Variants in FGF12 observed in about 807,000 individuals in gnomAD.
The protein encoded by FGF12 is fibroblast growth factor 12, also known as fibroblast growth factor 12B.
FGF12 carries 14 observed loss-of-function variants against 23.6 expected under a neutral mutation model. The observed-to-expected ratio is 0.59, with a 90% CI of 0.39 to 0.93. The LOEUF (loss-of-function observed/expected upper bound fraction) is 0.93, where lower values mean the gene tolerates loss of function less well. Among genes scored for constraint, FGF12 ranks in the 40% least tolerant of loss-of-function variants. The pLI is 0.00. For missense variants in FGF12, 175 were observed against 217.8 expected (o/e 0.80, Z 1.24); for synonymous variants, 62 against 77.3 (o/e 0.80, Z 1.04).
intron 3 of FGF12, among the ~76,000 whole-genome samples, chr3:192,355,966 CAGA>C (rs1258105372): frequency 6.6e-6 from 1 of 152,206 alleles, no homozygotes; most frequent in Admixed American, 6.5e-5. Context: ...CTATATTCAA[CAGA>C]AGGAGACCAA....
intron 2 of FGF12, among the ~76,000 whole-genome samples, chr3:192,481,626 C>A (rs1424359178): frequency 6.6e-6 from 1 of 152,184 alleles, no homozygotes; most frequent in African/African-American, 2.4e-5. Context: ...AGCCTCCTAT[C>A]CATGGCCACA....
intron 2 of FGF12, among the ~76,000 whole-genome samples, chr3:192,724,079 G>C (rs2108749085): frequency 2.3e-5 from 3 of 127,850 alleles, no homozygotes; most frequent in South Asian, 5.4e-4. Flanking sequence ...AAGGAAGGAA[G>C]AAAGGAAGGA....
rs145116031 is a variant in FGF12 at position 192,314,198 on chromosome 3, T to C, written c.228+21163A>G. The stretch of plus-strand genomic sequence containing the variant: ...TGTCCATTATTTAAGCCAACCAGTC[T>C]GTGATAATTTGTCAAAGCAGCCCAA... On this transcript the variant is annotated intron_variant, in intron 4 of 5. Coordinates refer to ENST00000445105, the MANE Select transcript of FGF12 (RefSeq NM_004113.6). Among the ~76,000 whole-genome samples the C allele has an allele frequency of 1.3e-3, 197 of 152,242 alleles. 1 individual carries two copies. Among genetic ancestry groups the C allele is most frequent in the African/African-American group, 4.5e-3 (186 of 41,554 alleles).
intron 2 of FGF12, among the ~76,000 whole-genome samples, chr3:192,685,277 T>A (rs1231730827): frequency 6.6e-6 from 1 of 152,114 alleles, no homozygotes; most frequent in African/African-American, 2.4e-5. Flanking sequence ...GGTTTTGATC[T>A]CTTGACCTCG....
rs544017462 is a variant in FGF12 at position 192,483,435 on chromosome 3, G to T, written c.14-122897C>A. 6.6e-5 allele frequency among the ~76,000 whole-genome samples: 10 copies of T among 152,180 alleles called. No homozygotes were observed. The South Asian group carries it at 2.1e-3, about 32-fold the overall frequency. On this transcript the variant is annotated intron_variant, in intron 2 of 5. Transcript: ENST00000445105. ...TACAACAGCCACACGTAAAAAAAAT[G>T]TCTAATGTCTCTTACTGAAGTGTAA...
intron 2 of FGF12, among the ~76,000 whole-genome samples, chr3:192,647,842 G>C (rs1304282837): frequency 6.6e-6 from 1 of 151,566 alleles, no homozygotes; most frequent in African/African-American, 2.4e-5. Flanking sequence ...AATAAGATGT[G>C]AATAAATGAA....
chr3:192,695,187 T>C (rs1167421772), intron 2 of FGF12, among the ~76,000 whole-genome samples: 3 of 152,172 alleles, frequency 2.0e-5, no homozygotes, highest in Non-Finnish European at 4.4e-5. Flanking sequence ...AGTTGATAGA[T>C]TACAAGTCAT....
chr3:192,469,814 C>G, intron 2 of FGF12, among the ~76,000 whole-genome samples: 1 of 152,098 alleles, frequency 6.6e-6, no homozygotes, highest in Non-Finnish European at 1.5e-5. Flanking sequence ...ATAAACTGAA[C>G]CTGGATAGAC....
At chr3:192,443,190 C>T (rs889460662) in intron 2 of FGF12, among the ~76,000 whole-genome samples, 1 of 152,088 alleles carries the variant, frequency 6.6e-6, no homozygotes, top group South Asian at 2.1e-4. Context: ...TCAGTTGATA[C>T]AACACAGAGA....
intron 2 of FGF12, among the ~76,000 whole-genome samples, chr3:192,622,528 T>C (rs1374332847): frequency 1.3e-5 from 2 of 152,022 alleles, no homozygotes; most frequent in Admixed American, 6.6e-5. Context: ...TCAAGGCAGG[T>C]CCCCACATAA....
intron 2 of FGF12, among the ~76,000 whole-genome samples, chr3:192,573,057 A>G (rs1004990448): frequency 1.3e-5 from 2 of 152,224 alleles, no homozygotes; most frequent in African/African-American, 4.8e-5. Flanking sequence ...CAAAGGACAG[A>G]AGTAATGAGC....
chr3:192,636,082 G>A (rs566026195), intron 2 of FGF12, among the ~76,000 whole-genome samples: 2 of 152,234 alleles, frequency 1.3e-5, no homozygotes, highest in Admixed American at 6.5e-5. Context: ...TGGCATATGT[G>A]TTCTTCCAAT....
rs112100564 is a variant in FGF12 at position 192,672,071 on chromosome 3, G to A, written c.13+55110C>T. On this transcript the variant is annotated intron_variant, in intron 2 of 5. Transcript: ENST00000445105. ...TTAACAGCCAAGCCAGCACTAGAGC[G>A]TAGCTCTCTTGACTTCCAGTCCAAT... Among the ~76,000 whole-genome samples the A allele has an allele frequency of 3.8e-3, 585 of 152,326 alleles. 3 individuals are homozygous for A. The highest frequency in any genetic ancestry group is 0.013 in the African/African-American group (553 of 41,580).
chr3:192,649,577 A>T (rs566076956), intron 2 of FGF12, among the ~76,000 whole-genome samples: 1 of 152,162 alleles, frequency 6.6e-6, no homozygotes, highest in South Asian at 2.1e-4. Flanking sequence ...TTATTTTTTA[A>T]TAGAGTCTCA....
intron 2 of FGF12, among the ~76,000 whole-genome samples, chr3:192,597,376 A>G (rs2174178): frequency 0.16 from 23,594 of 152,216 alleles, 1,862 homozygotes; most frequent in Middle Eastern, 0.19. Flanking sequence ...TGACTAGTAC[A>G]CTAAGAAATC....
At chr3:192,214,830 T>C (rs971650916) in intron 4 of FGF12, among the ~76,000 whole-genome samples, 5 of 152,252 alleles carry the variant, frequency 3.3e-5, no homozygotes, top group African/African-American at 1.2e-4. Context: ...GGAACTTGCA[T>C]TATGTAAAGA....
chr3:192,144,733 C>A (rs769106115), intron 5 of FGF12, among the ~76,000 whole-genome samples: 36 of 152,192 alleles, frequency 2.4e-4, no homozygotes, highest in Non-Finnish European at 4.7e-4. Context: ...AAGCATGAGA[C>A]TTCAGTTCAT....
rs117793620 is a variant in FGF12, at chr3:192,689,917, G to A, written c.13+37264C>T. Among the ~76,000 whole-genome samples the A allele has an allele frequency of 7.0e-4, 106 of 151,808 alleles. 1 individual carries two copies. In the East Asian group the frequency reaches 0.02, roughly 28 times the overall value. On this transcript the variant is annotated intron_variant, in intron 2 of 5. Transcript: ENST00000445105. The stretch of plus-strand genomic sequence containing the variant: ...CTTTAAAAGCAGGAAGAAAAAAAAA[G>A]CAAATCACATACAAGTGAATACCAA...
At chr3:192,707,314 G>C (rs965893874) in intron 2 of FGF12, among the ~76,000 whole-genome samples, 6 of 152,156 alleles carry the variant, frequency 3.9e-5, no homozygotes, top group Non-Finnish European at 8.8e-5. Context: ...AATGCAAGGA[G>C]GTGTTCAGAG....
Sources: allele counts gnomAD v4.1 joint callset (sites outside exome capture counted in the v4.1 genomes callset), GRCh38; gene constraint gnomAD v4.1.1; transcripts MANE v1.5; gene names NCBI Gene and HGNC (gene_info 2026-07-23, HGNC 2026-07-21).